The following DTNA variants were observed in gnomAD, a reference collection of about 807,000 sequenced individuals.
The protein encoded by DTNA is dystrophin-related protein 3.
A neutral mutation model predicts 100.7 loss-of-function variants in DTNA; 43 were observed. That is an observed-to-expected ratio of 0.43 (90% CI 0.33 to 0.55). The LOEUF (loss-of-function observed/expected upper bound fraction) is 0.55, where lower values mean the gene tolerates loss of function less well. Ranked by LOEUF, DTNA falls within the 20% of genes least tolerant of loss-of-function variation. DTNA has a pLI of 0.04. For synonymous variants in DTNA, 349 were observed against 347.9 expected, an observed-to-expected ratio of 1.00 and a Z score of -0.04; for missense variants, 798 against 953.9, an observed-to-expected ratio of 0.84 and a Z score of 2.15.
At chr18:34,882,958 TG>T (rs765290600) in intron 21 of DTNA, among the ~76,000 whole-genome samples, 10 of 152,282 alleles carry the variant, frequency 6.6e-5, no homozygotes, top group Non-Finnish European at 1.2e-4. Flanking sequence ...GGAGAAATGT[TG>T]GGGGAACTGC....
At chr18:34,551,083 T>C (rs2045357089) in intron 1 of DTNA, among the ~76,000 whole-genome samples, 1 of 152,196 alleles carries the variant, frequency 6.6e-6, no homozygotes. Flanking sequence ...CCTGAGCTTT[T>C]ACTATTTTTG....
chr18:34,888,139 T>G lies in DTNA; in HGVS notation c.*405T>G. The G allele has an allele frequency of 1.0e-6, 1 of 985,882 alleles. No homozygotes were observed. The highest frequency in any genetic ancestry group is 1.2e-6 in the Non-Finnish European group (1 of 829,940). The allele number at this position is 985,882 out of a possible 1,614,324, so 61.1% of individuals were successfully genotyped here. A position where few individuals can be genotyped will look rare whatever the true frequency, so the allele number is the denominator to read the frequency against. ...ACACAATGGCAGTATTAACAAGCAT[T>G]TTAAACCTTTGCACATGATATTGAA... On this transcript the variant is annotated 3_prime_UTR_variant, in exon 23 of 23. Coordinates refer to ENST00000444659, the MANE Select transcript of DTNA (RefSeq NM_001386795.1).
At chr18:34,672,517 T>C (rs66469126) in intron 1 of DTNA, among the ~76,000 whole-genome samples, 13,073 of 152,232 alleles carry the variant, frequency 0.086, 723 homozygotes, top group African/African-American at 0.14. Context: ...AATAGTGACT[T>C]ACTGCTTTAC....
chr18:34,837,790 C>G (rs191662107), intron 11 of DTNA, among the ~76,000 whole-genome samples: 204 of 152,234 alleles, frequency 1.3e-3, no homozygotes, highest in Admixed American at 4.3e-3. Context: ...ACATGATATG[C>G]CATGATAAAT....
chr18:34,739,639 G>GT (rs1234197880), intron 1 of DTNA, among the ~76,000 whole-genome samples: 1 of 152,126 alleles, frequency 6.6e-6, no homozygotes, highest in African/African-American at 2.4e-5. Flanking sequence ...ATTCTAAAGT[G>GT]TTTTTTACAC....
intron 1 of DTNA, among the ~76,000 whole-genome samples, chr18:34,542,085 T>C (rs1164554684): frequency 6.6e-6 from 1 of 152,028 alleles, no homozygotes; most frequent in Non-Finnish European, 1.5e-5. Flanking sequence ...CTGTGGACAG[T>C]GCCCTCGTTG....
At chr18:34,665,397 A>T (rs2075772601) in intron 1 of DTNA, among the ~76,000 whole-genome samples, 1 of 152,092 alleles carries the variant, frequency 6.6e-6, no homozygotes, top group South Asian at 2.1e-4. Context: ...TTGGGGTTTA[A>T]TGCATATTAG....
chr18:34,692,982 G>A (rs185127993), intron 1 of DTNA, among the ~76,000 whole-genome samples: 58 of 152,194 alleles, frequency 3.8e-4, no homozygotes, highest in Admixed American at 1.8e-3. Context: ...ACTTCTTAAA[G>A]AAGTACATAA....
chr18:34,847,323 C>G (rs931611070), intron 13 of DTNA, among the ~76,000 whole-genome samples: 1 of 152,070 alleles, frequency 6.6e-6, no homozygotes, highest in Non-Finnish European at 1.5e-5. Flanking sequence ...GGAGTCACTA[C>G]TAAAATTCTG....
At chr18:34,562,253 T>C (rs933847001) in intron 1 of DTNA, among the ~76,000 whole-genome samples, 6 of 152,182 alleles carry the variant, frequency 3.9e-5, no homozygotes, top group Non-Finnish European at 7.3e-5. Flanking sequence ...TAAATAAATT[T>C]TAAAAAACGA....
At chr18:34,883,843 G>A (rs1028624425) in intron 21 of DTNA, among the ~76,000 whole-genome samples, 2 of 152,086 alleles carry the variant, frequency 1.3e-5, no homozygotes, top group African/African-American at 2.4e-5. Flanking sequence ...TCAGTTTAAC[G>A]ACCACATTTC....
intron 1 of DTNA, among the ~76,000 whole-genome samples, chr18:34,656,200 A>G (rs778392879): frequency 1.3e-5 from 2 of 152,232 alleles, no homozygotes; most frequent in South Asian, 2.1e-4. Flanking sequence ...TATCTCTTGA[A>G]TTAGACATGT....
At chr18:34,496,138 G>A (rs868599607) in intron 1 of DTNA, among the ~76,000 whole-genome samples, 1 of 148,174 alleles carries the variant, frequency 6.7e-6, no homozygotes, top group African/African-American at 2.5e-5. Flanking sequence ...TAAACGGCAC[G>A]GAAACATGAT....
intron 1 of DTNA, among the ~76,000 whole-genome samples, chr18:34,671,762 C>T (rs1322108216): frequency 1.3e-5 from 2 of 151,588 alleles, no homozygotes; most frequent in Admixed American, 6.6e-5. Context: ...TTTCTTCATT[C>T]CTTCCTTCTT....
chr18:34,598,774 G>A (rs763445219), intron 1 of DTNA, among the ~76,000 whole-genome samples: 2 of 152,124 alleles, frequency 1.3e-5, no homozygotes, highest in Non-Finnish European at 2.9e-5. Flanking sequence ...GCTGAGGCAG[G>A]AGAATGGCAT....
intron 1 of DTNA, among the ~76,000 whole-genome samples, chr18:34,603,194 G>T (rs1441154706): frequency 6.6e-6 from 1 of 151,332 alleles, no homozygotes; most frequent in Non-Finnish European, 1.5e-5. Flanking sequence ...CTGGGCAGCA[G>T]AGTGAGACCC....
At position 34,844,849 on chromosome 18, in the gene DTNA, C is replaced by G. The variant is rs569188763; in HGVS notation, c.1347-3447C>G. ...CTTTGCTAAATCACACTTTCATAAGCCCTAGCTCAGCTGGGGCCACTTGAG... is the reference window on the plus strand; with the variant it reads ...CTTTGCTAAATCACACTTTCATAAGGCCTAGCTCAGCTGGGGCCACTTGAG... On this transcript the variant is annotated intron_variant, in intron 13 of 22. Coordinates refer to ENST00000444659, the MANE Select transcript of DTNA (RefSeq NM_001386795.1). 2.2e-4 allele frequency among the ~76,000 whole-genome samples: 34 copies of G among 152,228 alleles called. No homozygotes were observed. The South Asian group carries it at 4.4e-3, about 19-fold the overall frequency.
At chr18:34,506,527 A>C (rs1241204644) in intron 1 of DTNA, among the ~76,000 whole-genome samples, 1 of 152,144 alleles carries the variant, frequency 6.6e-6, no homozygotes, top group Admixed American at 6.5e-5. Context: ...AACCACAATT[A>C]TTTCTTTCTT....
At chr18:34,596,898 A>G (rs1318695683) in intron 1 of DTNA, among the ~76,000 whole-genome samples, 1 of 152,108 alleles carries the variant, frequency 6.6e-6, no homozygotes, top group Non-Finnish European at 1.5e-5. Context: ...ACATGTGCAG[A>G]ACGTGCAGGT....
Sources: gnomAD v4.1 joint callset for allele counts (sites outside exome capture counted in the v4.1 genomes callset) on GRCh38, gnomAD v4.1.1 for gene constraint, MANE v1.5 for transcripts, NCBI Gene and HGNC (gene_info 2026-07-23, HGNC 2026-07-21) for gene names.